Variants in NOS3 observed in about 807,000 individuals in gnomAD.
NOS3 encodes the protein NOS type III.
In NOS3, 98 loss-of-function variants were observed where a neutral mutation model predicts 144.9. The ratio of observed to expected loss-of-function variants is 0.68; its 90% CI spans 0.57 to 0.80. The LOEUF (loss-of-function observed/expected upper bound fraction) is 0.80. Among genes scored for constraint, NOS3 ranks in the 30% least tolerant of loss-of-function variants. NOS3 has a pLI of 0.00. For missense variants in NOS3, 1,465 were observed against 1,656.4 expected (o/e 0.88, Z 2.01); for synonymous variants, 714 against 702.4 (o/e 1.02, Z -0.26).
In NOS3 at chr7:150,998,684, G is replaced by A. The variant is rs368705953; in HGVS notation, c.816+4G>A. On this transcript the variant is annotated splice_donor_region_variant and intron_variant, in intron 7 of 26. Transcript: ENST00000297494. The surrounding 1 kb of genome is among the most constrained non-coding windows in gnomAD (Gnocchi z 5.0). ...AGCCAACGTGGAGATCACCGAGGTG[G>A]GCACCGAGGGCCACCCATGAGGGTG... 5.0e-6 allele frequency: 8 copies of A among 1,602,334 alleles called. No homozygotes were observed. The African/African-American group carries it at 9.3e-5, about 19-fold the overall frequency.
rs370698380 is a variant in NOS3, at chr7:151,001,225, T to C, written c.1234-6T>C. ...TTGAGCCTCTCCCCCTCTCTCTCCCTTCCAGCTAGCCAAAGTCACCATCGT... is the reference window on the plus strand; with the variant it reads ...TTGAGCCTCTCCCCCTCTCTCTCCCCTCCAGCTAGCCAAAGTCACCATCGT... On this transcript the variant is annotated splice_polypyrimidine_tract_variant and splice_region_variant and intron_variant, in intron 10 of 26. Transcript: ENST00000297494. 4.2e-5 allele frequency: 67 copies of C among 1,612,480 alleles called. No homozygotes were observed. The highest frequency in any genetic ancestry group is 5.4e-5 in the Non-Finnish European group (64 of 1,179,918).
chr7:151,005,220 CAT>C (rs1795188362), intron 14 of NOS3, among the ~76,000 whole-genome samples: 1 of 152,210 alleles, frequency 6.6e-6, no homozygotes, highest in South Asian at 2.1e-4. Context: ...ACATTTACAA[CAT>C]GTGTGCACCT....
rs754884137 is a variant in NOS3 at position 151,009,444 on chromosome 7, C to A, written c.2371C>A (p.Leu791Met). Residue 791 changes from leucine to methionine, a missense_variant, in exon 20 of 27, where the codon CTG (leucine) becomes ATG (methionine). Coordinates refer to ENST00000297494, the MANE Select transcript of NOS3 (RefSeq NM_000603.5). ...VRLDTGGQEG[L>M]QYQPGDHIGV... is the part of the protein sequence containing the mutation. ...CCTGGACACCGGAGGCCAGGAGGGGCTGCAGTACCAGCCGGGGGACCACAT... is the reference window on the plus strand; with the variant it reads ...CCTGGACACCGGAGGCCAGGAGGGGATGCAGTACCAGCCGGGGGACCACAT... 9.1e-6 allele frequency: 14 copies of A among 1,546,128 alleles called. No individual in the cohort carries two copies. In the South Asian group the frequency reaches 1.7e-4, roughly 18 times the overall value.
intron 12 of NOS3, 83 bp from the exon 13 acceptor site, chr7:151,001,738 C>G: frequency 6.3e-7 from 1 of 1,592,268 alleles, no homozygotes; most frequent in Non-Finnish European, 8.6e-7. Context: ...TCCCAAAACC[C>G]TGTTGTGAGG....
In NOS3 at chr7:151,014,330, C is replaced by A; in HGVS notation, c.*161C>A. The A allele has an allele frequency of 2.5e-6, 2 of 801,372 alleles. No individual in the cohort carries two copies. The highest frequency in any genetic ancestry group is 1.7e-5 in the African/African-American group (1 of 57,552). The allele number at this position is 801,372 out of a possible 1,614,324, so 49.6% of individuals were successfully genotyped here. On this transcript the variant is annotated 3_prime_UTR_variant, in exon 27 of 27. Transcript: ENST00000297494. ...ATTATTCCTCCAGGAAGGAGCAAAA[C>A]GCCTCTTTTCCCTCTCTAGGCCTGT...
intron 14 of NOS3, among the ~76,000 whole-genome samples, chr7:151,004,932 A>G (rs982445857): frequency 6.6e-6 from 1 of 152,158 alleles, no homozygotes; most frequent in Non-Finnish European, 1.5e-5. Context: ...ATCTCGGCTC[A>G]CTGCAACCTC....
In NOS3 at chr7:151,009,592, G is replaced by A. The variant is rs1405216746; in HGVS notation, c.2512+7G>A. On this transcript the variant is annotated splice_region_variant and intron_variant, in intron 20 of 26. Coordinates refer to ENST00000297494, the MANE Select transcript of NOS3 (RefSeq NM_000603.5). ...CTGGAGAAGGGCAGCCCTGGTGAGGGGCAGCCTGGGAAGCAACAGGGCACA... is the reference window on the plus strand; with the variant it reads ...CTGGAGAAGGGCAGCCCTGGTGAGGAGCAGCCTGGGAAGCAACAGGGCACA... 7 of 1,519,940 alleles carry A rather than the reference G, an allele frequency of 4.6e-6. No individual in the cohort carries two copies. Among genetic ancestry groups the A allele is most frequent in the African/African-American group, 1.4e-5 (1 of 72,448 alleles). The allele number at this position is 1,519,940 out of a possible 1,614,324, so 94.2% of individuals were successfully genotyped here.
In NOS3 at chr7:150,998,640, G is replaced by C; in HGVS notation, c.776G>C (p.Gly259Ala). 1.2e-6 allele frequency: 2 copies of C among 1,608,234 alleles called. No individual in the cohort carries two copies. The highest frequency in any genetic ancestry group is 4.5e-5 in the East Asian group (2 of 44,702). The change falls in exon 7 of 27, where the codon GGC (glycine) becomes GCC (alanine). Residue 259 changes from glycine (G) to alanine (A), a missense_variant. Gly to Ala is a moderately conservative substitution (Grantham distance 60). Transcript: ENST00000297494. This position sits in a 1 kb window ranked among gnomAD's most constrained non-coding sequence, Gnocchi z 5.0. ...VRYAGYRQQD[G>A]SVRGDPANVE... ...TACGCGGGCTACCGGCAGCAGGATGGCTCTGTGCGGGGGGACCCAGCCAAC... is the reference window on the plus strand; with the variant it reads ...TACGCGGGCTACCGGCAGCAGGATGCCTCTGTGCGGGGGGACCCAGCCAAC...
intron 1 of NOS3, among the ~76,000 whole-genome samples, chr7:150,992,690 T>G (rs555034680): frequency 1.4e-3 from 216 of 152,022 alleles, no homozygotes; most frequent in Non-Finnish European, 2.5e-3. Flanking sequence ...ATCCTCTTGT[T>G]TGTTTGTCTG....
rs1170693777 is a variant in NOS3 at position 151,009,520 on chromosome 7, G to A, written c.2447G>A (p.Arg816His). Residue 816 changes from arginine to histidine, a missense_variant, in exon 20 of 27, where the codon CGC (arginine) becomes CAC (histidine). By Grantham distance (29) the Arg-to-His change is conservative. Transcript: ENST00000297494. The part of the protein sequence containing the change: ...RPGLVEALLS[R>H]VEDPPAPTEP... ...GGCCTTGTGGAGGCGCTGCTGAGCC[G>A]CGTGGAGGACCCGCCGGCGCCCACT... The A allele has an allele frequency of 5.2e-6, 8 of 1,546,346 alleles. No individual in the cohort carries two copies. Among genetic ancestry groups the A allele is most frequent in the Non-Finnish European group, 6.1e-6 (7 of 1,146,176 alleles).
chr7:151,009,667 G>A, intron 20 of NOS3, 82 bp downstream of exon 20: 1 of 1,289,936 alleles, frequency 7.8e-7, no homozygotes, highest in Non-Finnish European at 1.0e-6. Context: ...CAGGAGCTCA[G>A]GACCCGACCC....
intron 13 of NOS3, 26 bp downstream of exon 13, chr7:151,001,991 G>A: frequency 1.2e-6 from 2 of 1,611,316 alleles, no homozygotes; most frequent in Non-Finnish European, 1.7e-6. Flanking sequence ...GGGGAGCAGG[G>A]AGCTAGAAAG....
In NOS3 at chr7:151,013,312, A is replaced by G; in HGVS notation, c.3188A>G (p.Asn1063Ser). 1 of 1,614,054 alleles carries G rather than the reference A, an allele frequency of 6.2e-7. No individual in the cohort carries two copies. Among genetic ancestry groups the G allele is most frequent in the Non-Finnish European group, 8.5e-7 (1 of 1,180,022 alleles). The change falls in exon 25 of 27, where the codon AAC becomes AGC. Residue 1063 changes from asparagine (N) to serine (S), a missense_variant. Asn to Ser is a conservative substitution (Grantham distance 46). Coordinates refer to ENST00000297494, the MANE Select transcript of NOS3 (RefSeq NM_000603.5). ...CATCTCTACCGCGACGAGGTGCAGAACGCCCAGCAGCGCGGGGTGTTTGGC... is the reference window on the plus strand; with the variant it reads ...CATCTCTACCGCGACGAGGTGCAGAGCGCCCAGCAGCGCGGGGTGTTTGGC... ...LDHLYRDEVQ[N>S]AQQRGVFGRV...
Position 150,998,764 on chromosome 7 carries a change from A to G in NOS3, c.816+84A>G. 6.6e-7 allele frequency: 1 copy of G among 1,521,234 alleles called. No homozygotes were observed. Among genetic ancestry groups the G allele is most frequent in the Non-Finnish European group, 8.9e-7 (1 of 1,123,766 alleles). 94.2% of individuals were successfully genotyped at this position (1,521,234 alleles called of 1,614,324 possible). ...GGGAGAAGGCTCGGGGGATCCAGGC[A>G]GGAAGAGGGGAGCCTCGGTGAGATA... On this transcript the variant is annotated intron_variant, in intron 7 of 26. Transcript: ENST00000297494. This position sits in a 1 kb window ranked among gnomAD's most constrained non-coding sequence, Gnocchi z 5.0.
At chr7:151,001,700 A>G in intron 12 of NOS3, 83 bp downstream of exon 12, 1 of 1,572,928 alleles carries the variant, frequency 6.4e-7, no homozygotes, top group African/African-American at 1.3e-5. Context: ...ACCCTGCCCC[A>G]GCAGTGTTCT....
intron 19 of NOS3, 25 bp downstream of exon 19, chr7:151,009,292 C>G (rs769229687): frequency 1.2e-4 from 195 of 1,593,308 alleles, no homozygotes; most frequent in Non-Finnish European, 1.6e-4. Flanking sequence ...TTTACCGCCC[C>G]CCCACCCCTG....
Position 151,001,842 on chromosome 7 carries a change from G to A in NOS3, c.1524G>A (p.Ser508=), listed in dbSNP as rs61734203. The A allele has an allele frequency of 6.8e-6, 11 of 1,613,458 alleles. No individual in the cohort carries two copies. Among genetic ancestry groups the A allele is most frequent in the African/African-American group, 2.7e-5 (2 of 74,862 alleles). Reference sequence around the variant, plus strand: ...GCAGCGCCGTGAAGATCTCCGCCTCGCTCATGGGCACGGTGATGGCGAAGC... The same window carrying A: ...GCAGCGCCGTGAAGATCTCCGCCTCACTCATGGGCACGGTGATGGCGAAGC... ...EVANAVKISA[S]LMGTVMAKRV... Residue 508 remains serine (S), a synonymous_variant, in exon 13 of 27, where the codon TCG becomes TCA. Coordinates refer to ENST00000297494, the MANE Select transcript of NOS3 (RefSeq NM_000603.5).
rs1795115967 is a variant in NOS3 at position 151,002,007 on chromosome 7, G to A, written c.1647+42G>A. The stretch of plus-strand genomic sequence containing the variant: ...GGGAGCAGGGAGCTAGAAAGAGGGG[G>A]CTCTATCAGCATCTTCAGGGGTGCC... On this transcript the variant is annotated intron_variant, in intron 13 of 26. Coordinates refer to ENST00000297494, the MANE Select transcript of NOS3 (RefSeq NM_000603.5). The surrounding 1 kb of genome is among the most constrained non-coding windows in gnomAD (Gnocchi z 4.1). The A allele has an allele frequency of 6.2e-7, 1 of 1,608,534 alleles. No individual in the cohort carries two copies. Among genetic ancestry groups the A allele is most frequent in the African/African-American group, 1.3e-5 (1 of 74,774 alleles).
At chr7:150,999,681 T>G in intron 9 of NOS3, among the ~76,000 whole-genome samples, 3 of 118,560 alleles carry the variant, frequency 2.5e-5, no homozygotes, top group African/African-American at 6.7e-5. Flanking sequence ...TGTGGGTGTG[T>G]GGGGGTAGGT....
Sources: gnomAD v4.1 joint callset for allele counts (sites outside exome capture counted in the v4.1 genomes callset) on GRCh38, gnomAD v4.1.1 for gene constraint, Gnocchi (gnomAD v3.1) non-coding constraint, MANE v1.5 for transcripts, NCBI Gene and HGNC (gene_info 2026-07-23, HGNC 2026-07-21) for gene names.